The following ZNF723 variants were observed in gnomAD, a reference collection of about 807,000 sequenced individuals.
The protein encoded by ZNF723 is zinc finger protein 723, pseudogene.
Under a neutral mutation model 9.4 loss-of-function variants are expected in ZNF723, and 5 were observed. The ratio of observed to expected loss-of-function variants is 0.53; its 90% CI spans 0.28 to 1.12. The LOEUF (loss-of-function observed/expected upper bound fraction) is 1.12, where lower values mean the gene tolerates loss of function less well. Among genes scored for constraint, ZNF723 ranks in the 50% most tolerant of loss-of-function variants. The probability of loss-of-function intolerance (pLI) is 0.10; values close to 1 mark genes in which losing one functional copy is unlikely to be tolerated. For missense variants in ZNF723, 450 were observed against 501.5 expected, an observed-to-expected ratio of 0.90 and a Z score of 0.98; for synonymous variants, 158 against 168.8, an observed-to-expected ratio of 0.94 and a Z score of 0.49.
chr19:22,840,278 T>A (rs1277269072), intron 1 of ZNF723, among the ~76,000 whole-genome samples: 2 of 151,744 alleles, frequency 1.3e-5, no homozygotes, highest in African/African-American at 4.9e-5. Context: ...TTCAAGTGAT[T>A]CTCCTGCCTC....
At chr19:22,814,941 G>A in the ZNF723 span, among the ~76,000 whole-genome samples, 1 of 152,040 alleles carries the variant, frequency 6.6e-6, no homozygotes, top group Non-Finnish European at 1.5e-5. Flanking sequence ...ATTGTGATAT[G>A]TCACTGGGCC....
At chr19:22,824,393 T>G in the ZNF723 span, among the ~76,000 whole-genome samples, 1 of 152,016 alleles carries the variant, frequency 6.6e-6, no homozygotes, top group Non-Finnish European at 1.5e-5. Context: ...AGCATCCAAG[T>G]GATGTGACTC....
chr19:22,848,301 TG>T lies in ZNF723; in HGVS notation c.46del (p.Glu16ArgfsTer17). The T allele has an allele frequency of 1.5e-6, 2 of 1,321,408 alleles. No individual in the cohort carries two copies. Among genetic ancestry groups the T allele is most frequent in the Non-Finnish European group, 1.1e-6 (1 of 931,168 alleles). 81.9% of individuals were successfully genotyped at this position (1,321,408 alleles called of 1,614,324 possible). A position where few individuals can be genotyped will look rare whatever the true frequency, so the allele number is the denominator to read the frequency against. ...TFTDVAIKFS[L>X]EEWQFLDTAQ... Reference sequence around the variant, plus strand: ...ACAGATGTGGCAATAAAATTTTCTCTGGAGGAGTGGCAATTCCTGGACACTG... The same window carrying T: ...ACAGATGTGGCAATAAAATTTTCTCTGAGGAGTGGCAATTCCTGGACACTG... On this transcript the variant is annotated frameshift_variant, in exon 2 of 4. Coordinates refer to ENST00000600766, the MANE Select transcript of ZNF723 (RefSeq NM_001349726.2). LOFTEE classifies it high-confidence loss of function.
intron 3 of ZNF723, among the ~76,000 whole-genome samples, chr19:22,849,863 C>T (rs370624859): frequency 2.2e-4 from 33 of 151,992 alleles, no homozygotes; most frequent in African/African-American, 6.3e-4. Context: ...ATTCTGATGT[C>T]GTGCCATTGC....
the ZNF723 span, among the ~76,000 whole-genome samples, chr19:22,821,727 G>T: frequency 6.6e-6 from 1 of 152,226 alleles, no homozygotes; most frequent in Admixed American, 6.5e-5. Context: ...GCCAATAAGA[G>T]TAATTTTGAC....
At chr19:22,817,512 A>T in the ZNF723 span, among the ~76,000 whole-genome samples, 1 of 151,636 alleles carries the variant, frequency 6.6e-6, no homozygotes, top group Admixed American at 6.6e-5. Context: ...TCCTGCTTGG[A>T]CCTTGCCCAC....
At chr19:22,827,800 C>T (rs1967053628), upstream of ZNF723, among the ~76,000 whole-genome samples, 1 of 151,782 alleles carries the variant, frequency 6.6e-6, no homozygotes, top group Non-Finnish European at 1.5e-5. Context: ...CCAGGCCGGG[C>T]GTGGTGGCTC....
chr19:22,828,420 C>G (rs548845644), upstream of ZNF723, among the ~76,000 whole-genome samples: 146 of 152,176 alleles, frequency 9.6e-4, no homozygotes, highest in African/African-American at 3.4e-3. Flanking sequence ...TTTGGGACGC[C>G]GGGGCGGGCA....
chr19:22,837,820 C>T (rs1967186338), intron 1 of ZNF723, among the ~76,000 whole-genome samples: 1 of 152,060 alleles, frequency 6.6e-6, no homozygotes, highest in African/African-American at 2.4e-5. Context: ...GTGTTTTTTG[C>T]CAAAATCCCA....
upstream of ZNF723, among the ~76,000 whole-genome samples, chr19:22,828,581 A>C (rs962270049): frequency 2.6e-5 from 4 of 152,124 alleles, no homozygotes; most frequent in Non-Finnish European, 4.4e-5. Context: ...TGAACCCAGG[A>C]GGCAGAGGTT....
Position 22,858,643 on chromosome 19 carries a change from G to A in ZNF723, c.*210G>A, listed in dbSNP as rs181748982. 216 of 353,434 alleles carry A rather than the reference G, an allele frequency of 6.1e-4. No individual in the cohort carries two copies. In the East Asian group the frequency reaches 8.9e-3, roughly 15 times the overall value. The allele number at this position is 353,434 out of a possible 1,614,324, so 21.9% of individuals were successfully genotyped here. On this transcript the variant is annotated 3_prime_UTR_variant, in exon 4 of 4. Transcript: ENST00000600766. ...TAGCCGGGTGTAGTGGTGGGCGCCT[G>A]TAATCCCAGCTAGTTGGGAGGCTGA...
chr19:22,834,869 C>T (rs922095216), intron 1 of ZNF723, among the ~76,000 whole-genome samples: 1 of 152,014 alleles, frequency 6.6e-6, no homozygotes, highest in African/African-American at 2.4e-5. Flanking sequence ...AAAAACCTGA[C>T]CCCAGTGAGA....
At chr19:22,824,878 A>G in the ZNF723 span, among the ~76,000 whole-genome samples, 1 of 152,222 alleles carries the variant, frequency 6.6e-6, no homozygotes, top group African/African-American at 2.4e-5. Context: ...GATGCAGCAA[A>G]TTAGAGAGAG....
Position 22,858,046 on chromosome 19 carries a change from T to G in ZNF723, c.1155T>G (p.Thr385=). The G allele has an allele frequency of 6.6e-7, 1 of 1,524,468 alleles. No homozygotes were observed. The highest frequency in any genetic ancestry group is 9.1e-7 in the Non-Finnish European group (1 of 1,099,732). The allele number at this position is 1,524,468 out of a possible 1,614,324, so 94.4% of individuals were successfully genotyped here. A position where few individuals can be genotyped will look rare whatever the true frequency, so the allele number is the denominator to read the frequency against. ...CTTTTAAAGTATCTGTACACCTTAC[T>G]ACACATAAGAGAATTCATACTGGAG... The part of the protein sequence containing the change: ...GKAFKVSVHL[T]THKRIHTGEK... The change falls in exon 4 of 4, where the codon ACT becomes ACG. Residue 385 remains threonine, a synonymous_variant. Coordinates refer to ENST00000600766, the MANE Select transcript of ZNF723 (RefSeq NM_001349726.2).
chr19:22,816,092 G>C, the ZNF723 span, among the ~76,000 whole-genome samples: 1 of 152,340 alleles, frequency 6.6e-6, no homozygotes, highest in South Asian at 2.1e-4. Context: ...CCACAGGAAG[G>C]ATCATGGGTC....
rs145693687 is a variant in ZNF723, at chr19:22,841,257, C to G, written c.4-7004C>G. Among the ~76,000 whole-genome samples, 215 of 152,320 alleles carry G rather than the reference C, an allele frequency of 1.4e-3. 1 individual carries two copies. The highest frequency in any genetic ancestry group is 3.5e-3 in the South Asian group (17 of 4,832). ...TGAAGATGTGAAAAGTTTATTTTGTCATTGAATATAACCAATAAGCTTACA... is the reference window on the plus strand; with the variant it reads ...TGAAGATGTGAAAAGTTTATTTTGTGATTGAATATAACCAATAAGCTTACA... On this transcript the variant is annotated intron_variant, in intron 1 of 3. Transcript: ENST00000600766.
At chr19:22,849,474 T>G (rs1018092021) in intron 3 of ZNF723, among the ~76,000 whole-genome samples, 181 bp downstream of exon 3, 26 of 152,214 alleles carry the variant, frequency 1.7e-4, no homozygotes, top group African/African-American at 6.0e-4. Context: ...GCTATTAAAT[T>G]TTCTAAGGAT....
At chr19:22,843,623 G>A (rs1967273872) in intron 1 of ZNF723, among the ~76,000 whole-genome samples, 1 of 152,144 alleles carries the variant, frequency 6.6e-6, no homozygotes, top group Non-Finnish European at 1.5e-5. Context: ...AGCATCATAT[G>A]GTTGATTCAT....
intron 2 of ZNF723, 42 bp downstream of exon 2, chr19:22,848,429 G>T: frequency 7.9e-7 from 1 of 1,266,194 alleles, no homozygotes; most frequent in Non-Finnish European, 1.1e-6. Flanking sequence ...TACTGTAAAT[G>T]TTTCTTTTTT....
Sources: gnomAD v4.1 joint callset for allele counts (sites outside exome capture counted in the v4.1 genomes callset) on GRCh38, gnomAD v4.1.1 for gene constraint, MANE v1.5 for transcripts, NCBI Gene and HGNC (gene_info 2026-07-23, HGNC 2026-07-21) for gene names.